ERICH1: variants seen among roughly 807,000 people sequenced by gnomAD.
ERICH1 encodes the protein glutamate rich 1, also known as glutamate-rich protein 1.
ERICH1 carries 56 observed loss-of-function variants against 39.6 expected under a neutral mutation model. The ratio of observed to expected loss-of-function variants is 1.41; its 90% CI spans 1.14 to 1.77. The LOEUF (loss-of-function observed/expected upper bound fraction) is 1.77. Ranked by LOEUF, ERICH1 falls within the 40% of genes most tolerant of loss-of-function variation. ERICH1 has a pLI of 0.00. For missense variants in ERICH1, 826 were observed against 575.4 expected (o/e 1.44, Z -4.45); for synonymous variants, 313 against 223.6 (o/e 1.40, Z -3.57).
intron 3 of ERICH1, among the ~76,000 whole-genome samples, chr8:619,746 G>C (rs1797161958): frequency 6.6e-6 from 1 of 152,120 alleles, no homozygotes; most frequent in South Asian, 2.1e-4. Flanking sequence ...GCACAAAAAA[G>C]AAGTCTATGG....
At chr8:684,942 G>A (rs771634996) in intron 3 of ERICH1, among the ~76,000 whole-genome samples, 18 of 152,224 alleles carry the variant, frequency 1.2e-4, no homozygotes, top group Non-Finnish European at 2.1e-4. Context: ...AGGCCAGGGC[G>A]AAACTAGAAT....
At chr8:643,382 C>T (rs1182032984) in intron 3 of ERICH1, among the ~76,000 whole-genome samples, 1 of 152,214 alleles carries the variant, frequency 6.6e-6, no homozygotes, top group Non-Finnish European at 1.5e-5. Context: ...CCCTGGGTGC[C>T]TCAGAGTCTG....
chr8:621,471 A>C (rs1213699496), intron 3 of ERICH1, among the ~76,000 whole-genome samples: 3 of 151,956 alleles, frequency 2.0e-5, no homozygotes. Context: ...AAATATATGT[A>C]ATTTTTGTCA....
chr8:702,926 G>A (rs571712103), intron 2 of ERICH1, among the ~76,000 whole-genome samples: 46 of 152,308 alleles, frequency 3.0e-4, no homozygotes, highest in Admixed American at 6.5e-4. Flanking sequence ...CAGGTACCCC[G>A]CACGCCTGGG....
In ERICH1 at chr8:692,528, G is replaced by T. The variant is rs367821927; in HGVS notation, c.254C>A (p.Pro85His). 4.3e-6 allele frequency: 7 copies of T among 1,613,970 alleles called. No individual in the cohort carries two copies. The highest frequency in any genetic ancestry group is 5.9e-6 in the Non-Finnish European group (7 of 1,179,942). Residue 85 changes from proline to histidine, a missense_variant, in exon 3 of 6, where the codon CCC (proline) becomes CAC (histidine). By Grantham distance (77) the Pro-to-His change is moderately conservative. Coordinates refer to ENST00000262109, the MANE Select transcript of ERICH1 (RefSeq NM_207332.3). ...PEGYVPCWPE[P>H]SSCGSPENAS... ...GTTCTCGGGGCTCCCACAGCTGCTG[G>T]GCTCCGGCCAACAGGGGACGTAGCC...
intron 3 of ERICH1, among the ~76,000 whole-genome samples, chr8:675,132 G>A (rs1176855187): frequency 6.9e-6 from 1 of 144,730 alleles, no homozygotes; most frequent in African/African-American, 2.6e-5. Flanking sequence ...GCCCCTCGGC[G>A]AGGACAGAGA....
chr8:687,451 C>A (rs146968499), intron 3 of ERICH1, among the ~76,000 whole-genome samples: 1 of 152,376 alleles, frequency 6.6e-6, no homozygotes, highest in East Asian at 1.9e-4. Flanking sequence ...TAAGCCCAGA[C>A]GGTCTGGCAC....
At chr8:673,141 T>G in intron 4 of ERICH1, 148 bp downstream of exon 4, 3 of 1,004,508 alleles carry the variant, frequency 3.0e-6, no homozygotes, top group Non-Finnish European at 4.2e-6. Flanking sequence ...CATTGAATAT[T>G]TTTTACTTAT....
intron 3 of ERICH1, among the ~76,000 whole-genome samples, chr8:687,904 C>A (rs1289175237): frequency 6.6e-6 from 1 of 152,144 alleles, no homozygotes; most frequent in Non-Finnish European, 1.5e-5. Context: ...GGCTTCCAGC[C>A]GAGACGGCAC....
At chr8:712,026 C>T (rs547420274) in intron 2 of ERICH1, among the ~76,000 whole-genome samples, 9 of 152,298 alleles carry the variant, frequency 5.9e-5, no homozygotes, top group African/African-American at 1.2e-4. Context: ...GCCAAAAATA[C>T]GCTGTCTTGA....
At chr8:688,276 T>TCCCCG (rs1256451276) in intron 3 of ERICH1, among the ~76,000 whole-genome samples, 1,315 of 46,374 alleles carry the variant, frequency 0.028, 37 homozygotes, top group African/African-American at 0.056. Flanking sequence ...GTTCCGCCCG[T>TCCCCG]CCCCGCCCCG....
chr8:618,091 G>T (rs1403260863), intron 3 of ERICH1, among the ~76,000 whole-genome samples: 1 of 149,686 alleles, frequency 6.7e-6, no homozygotes, highest in Non-Finnish European at 1.5e-5. Flanking sequence ...TTGGTGCTCA[G>T]TCCATCCTCA....
intron 3 of ERICH1, among the ~76,000 whole-genome samples, chr8:629,073 C>A (rs1797762564): frequency 6.6e-6 from 1 of 152,182 alleles, no homozygotes; most frequent in Non-Finnish European, 1.5e-5. Context: ...GGTCAGGACA[C>A]AGTCCGAAGG....
rs955775807 is a variant in ERICH1, at chr8:664,430, A to G, written c.*173T>C. ...AGTGAAAAATTTCCATTTTACCCCA[A>G]TTTCTCATCTGAAGCCTCAGATGGC... On this transcript the variant is annotated 3_prime_UTR_variant, in exon 6 of 6. Transcript: ENST00000262109. The G allele has an allele frequency of 6.4e-6, 8 of 1,255,368 alleles. No homozygotes were observed. The highest frequency in any genetic ancestry group is 7.0e-6 in the Non-Finnish European group (7 of 999,412). 77.8% of individuals were successfully genotyped at this position (1,255,368 alleles called of 1,614,324 possible).
Position 673,322 on chromosome 8 carries a change from A to G in ERICH1, c.1030T>C (p.Leu344=). The change falls in exon 4 of 6, where the codon TTG becomes CTG. Residue 344 remains leucine (L), a synonymous_variant. Coordinates refer to ENST00000262109, the MANE Select transcript of ERICH1 (RefSeq NM_207332.3). ...AAATACATTTCCTGTGTTGACTTCA[A>G]AAAATTTAGAATACTGTGTGCCTTT... ...NEKAHSILNF[L]KSTQEMYFYD... 6.2e-7 allele frequency: 1 copy of G among 1,609,618 alleles called. No homozygotes were observed. The highest frequency in any genetic ancestry group is 8.5e-7 in the Non-Finnish European group (1 of 1,176,186).
downstream of ERICH1, among the ~76,000 whole-genome samples, chr8:663,037 C>T (rs1248268791): frequency 6.6e-6 from 1 of 152,258 alleles, no homozygotes; most frequent in African/African-American, 2.4e-5. Context: ...AGAGTGGCGT[C>T]CGCTGCCACA....
At chr8:666,354 A>G (rs773024547) in intron 5 of ERICH1, 6 of 152,232 alleles carry the variant, frequency 3.9e-5, no homozygotes, top group Non-Finnish European at 7.3e-5. Context: ...TTAACATAAT[A>G]AAATCAGCTT....
Position 673,544 on chromosome 8 carries a change from TGGCGTCTTTAACGTCTTCCTCCCC to T in ERICH1, c.784_807del (p.Gly262_Ala269del). ...ATGGTGTCCACACCGTCCTCCTCCC[TGGCGTCTTTAACGTCTTCCTCCCC>T]GGCCGGTGTCGGATCTTCCTCACTG... On this transcript the variant is annotated inframe_deletion, in exon 4 of 6. Transcript: ENST00000262109. 1.2e-6 allele frequency: 2 copies of T among 1,609,636 alleles called. No homozygotes were observed. The highest frequency in any genetic ancestry group is 1.7e-6 in the Non-Finnish European group (2 of 1,177,866).
chr8:678,591 C>A (rs1382140919), intron 3 of ERICH1, among the ~76,000 whole-genome samples: 1 of 152,160 alleles, frequency 6.6e-6, no homozygotes, highest in Non-Finnish European at 1.5e-5. Context: ...GGGCGGATCA[C>A]GAGGTCAGGA....
Sources: allele counts gnomAD v4.1 joint callset (sites outside exome capture counted in the v4.1 genomes callset), GRCh38; gene constraint gnomAD v4.1.1; transcripts MANE v1.5; gene names NCBI Gene and HGNC (gene_info 2026-07-23, HGNC 2026-07-21).